PTPRM: variants seen among roughly 807,000 people sequenced by gnomAD.
PTPRM encodes protein tyrosine phosphatase receptor type M.
PTPRM carries 47 observed loss-of-function variants against 186.7 expected under a neutral mutation model. The observed-to-expected ratio is 0.25, with a 90% CI of 0.20 to 0.32. The LOEUF (loss-of-function observed/expected upper bound fraction) is 0.32. PTPRM is among the 10% of genes least tolerant of loss of function. The pLI is 1.00. For missense variants in PTPRM, 1,494 were observed against 1,865.0 expected (o/e 0.80, Z 3.66); for synonymous variants, 668 against 674.9 (o/e 0.99, Z 0.16).
chr18:8,049,027 C>T (rs1302323139), intron 7 of PTPRM, among the ~76,000 whole-genome samples: 2 of 152,062 alleles, frequency 1.3e-5, no homozygotes, highest in African/African-American at 4.8e-5. Flanking sequence ...CATTCCAAAC[C>T]AATTTTTGAC....
chr18:7,866,541 G>T (rs79730822), intron 2 of PTPRM, among the ~76,000 whole-genome samples: 1 of 152,182 alleles, frequency 6.6e-6, no homozygotes, highest in Non-Finnish European at 1.5e-5. Flanking sequence ...TCTGCACTGT[G>T]GTCTGAGAGA....
At chr18:7,977,786 G>C (rs1468960846) in intron 7 of PTPRM, among the ~76,000 whole-genome samples, 1 of 152,124 alleles carries the variant, frequency 6.6e-6, no homozygotes, top group Non-Finnish European at 1.5e-5. Context: ...TTGCTTTGTT[G>C]TTCATAATAC....
chr18:7,589,273 G>A (rs1386312061), intron 1 of PTPRM, among the ~76,000 whole-genome samples: 2 of 152,188 alleles, frequency 1.3e-5, no homozygotes, highest in African/African-American at 4.8e-5. Flanking sequence ...GTGGCTGCAT[G>A]GGAGTGTTTA....
At chr18:7,959,873 T>G (rs896030198) in intron 7 of PTPRM, among the ~76,000 whole-genome samples, 5 of 152,244 alleles carry the variant, frequency 3.3e-5, no homozygotes, top group Non-Finnish European at 7.3e-5. Context: ...ATCCAGTTGT[T>G]TTCCAACTTT....
chr18:8,055,696 T>C (rs2087874804), intron 7 of PTPRM, among the ~76,000 whole-genome samples: 1 of 152,214 alleles, frequency 6.6e-6, no homozygotes, highest in Non-Finnish European at 1.5e-5. Context: ...TCTTTACTAG[T>C]GAGCTTATAT....
At chr18:7,947,672 T>C (rs965802495) in intron 5 of PTPRM, among the ~76,000 whole-genome samples, 1 of 152,172 alleles carries the variant, frequency 6.6e-6, no homozygotes, top group Non-Finnish European at 1.5e-5. Context: ...ATAACTAGAA[T>C]GCTCTTCCCC....
At position 8,398,829 on chromosome 18, in the gene PTPRM, T is replaced by G. The variant is rs1048404108; in HGVS notation, c.4344+4218T>G. 5.3e-5 allele frequency among the ~76,000 whole-genome samples: 8 copies of G among 151,758 alleles called. No individual in the cohort carries two copies. The South Asian group carries it at 6.2e-4, about 12-fold the overall frequency. On this transcript the variant is annotated intron_variant, in intron 32 of 32. Coordinates refer to ENST00000580170, the MANE Select transcript of PTPRM (RefSeq NM_001105244.2). ...AAAGGCCACATATTCTATGACTCCTTGTCTGTGAAATGTTCAAAACAGACA... is the reference window on the plus strand; with the variant it reads ...AAAGGCCACATATTCTATGACTCCTGGTCTGTGAAATGTTCAAAACAGACA...
intron 4 of PTPRM, among the ~76,000 whole-genome samples, chr18:7,919,523 G>T (rs541706548): frequency 1.3e-5 from 2 of 152,170 alleles, no homozygotes; most frequent in South Asian, 4.1e-4. Context: ...CGTATTTACT[G>T]AGGTTCCTTT....
intron 7 of PTPRM, among the ~76,000 whole-genome samples, chr18:8,041,378 C>T (rs1352866249): frequency 6.6e-6 from 1 of 151,766 alleles, no homozygotes; most frequent in Admixed American, 6.6e-5. Flanking sequence ...ACACACTTGA[C>T]ATTTGGTGGG....
At chr18:7,935,559 G>A (rs1250520129) in intron 5 of PTPRM, among the ~76,000 whole-genome samples, 2 of 152,212 alleles carry the variant, frequency 1.3e-5, no homozygotes, top group African/African-American at 4.8e-5. Context: ...AACAGGTGCT[G>A]TAGGATGTGG....
intron 5 of PTPRM, among the ~76,000 whole-genome samples, chr18:7,927,689 TC>T (rs1326516096): frequency 1.3e-5 from 2 of 152,128 alleles, no homozygotes; most frequent in Non-Finnish European, 2.9e-5. Flanking sequence ...CGTGTGACAC[TC>T]TGTAATTTTT....
intron 15 of PTPRM, among the ~76,000 whole-genome samples, chr18:8,247,160 G>T (rs2094484542): frequency 6.6e-6 from 1 of 152,160 alleles, no homozygotes; most frequent in African/African-American, 2.4e-5. Flanking sequence ...TCCATGAAGA[G>T]CGTTTTAAAA....
chr18:7,868,550 G>A (rs763220611), intron 2 of PTPRM, among the ~76,000 whole-genome samples: 14 of 152,182 alleles, frequency 9.2e-5, no homozygotes, highest in Non-Finnish European at 1.5e-4. Flanking sequence ...AAAGATTGCT[G>A]CCTCTTCCTT....
chr18:8,247,259 A>T (rs2094485659), intron 15 of PTPRM, among the ~76,000 whole-genome samples: 1 of 152,236 alleles, frequency 6.6e-6, no homozygotes, highest in African/African-American at 2.4e-5. Flanking sequence ...AGAGAGGAAG[A>T]GAAGGTGCAA....
At chr18:7,988,694 G>A (rs1181470243) in intron 7 of PTPRM, among the ~76,000 whole-genome samples, 5 of 152,088 alleles carry the variant, frequency 3.3e-5, no homozygotes, top group Admixed American at 2.6e-4. Flanking sequence ...ATTTCAACAA[G>A]CATGATATTT....
At chr18:8,258,461 G>A (rs886124202) in intron 19 of PTPRM, among the ~76,000 whole-genome samples, 4 of 152,110 alleles carry the variant, frequency 2.6e-5, no homozygotes, top group African/African-American at 9.7e-5. Flanking sequence ...CCTTGTAAGT[G>A]GCTTGATACC....
intron 14 of PTPRM, among the ~76,000 whole-genome samples, chr18:8,172,454 A>G (rs188624533): frequency 4.3e-4 from 66 of 152,162 alleles, no homozygotes; most frequent in Non-Finnish European, 8.5e-4. Context: ...GTGTTCCTCA[A>G]TAGTCCAAGG....
chr18:7,838,049 G>A (rs1423218204), intron 2 of PTPRM, among the ~76,000 whole-genome samples: 3 of 152,266 alleles, frequency 2.0e-5, no homozygotes, highest in East Asian at 1.9e-4. Context: ...CTCATGGAGT[G>A]TATTAGTCTC....
chr18:8,215,968 G>C (rs913471528), intron 14 of PTPRM, among the ~76,000 whole-genome samples: 3 of 152,160 alleles, frequency 2.0e-5, no homozygotes, highest in Non-Finnish European at 4.4e-5. Context: ...TCAATAACCA[G>C]GTTTCCCTAG....
Sources: gnomAD v4.1 joint callset for allele counts (sites outside exome capture counted in the v4.1 genomes callset) on GRCh38, gnomAD v4.1.1 for gene constraint, MANE v1.5 for transcripts, NCBI Gene and HGNC (gene_info 2026-07-23, HGNC 2026-07-21) for gene names.